The following EHHADH variants were observed in gnomAD, a reference collection of about 807,000 sequenced individuals.
EHHADH encodes enoyl-CoA hydratase and 3-hydroxyacyl CoA dehydrogenase, also known as peroxisomal bifunctional enzyme.
Under a neutral mutation model 64.4 loss-of-function variants are expected in EHHADH, and 48 were observed. The observed-to-expected ratio is 0.75, with a 90% CI of 0.59 to 0.95. The LOEUF (loss-of-function observed/expected upper bound fraction) is 0.95, where lower values mean the gene tolerates loss of function less well. Among genes scored for constraint, EHHADH ranks in the 40% least tolerant of loss-of-function variants. EHHADH has a pLI of 0.00. For synonymous variants in EHHADH, 308 were observed against 326.7 expected (o/e 0.94, Z 0.62); for missense variants, 854 against 876.6 (o/e 0.97, Z 0.33).
chr3:185,201,583 G>A (rs868821799), intron 6 of EHHADH, among the ~76,000 whole-genome samples: 1 of 152,076 alleles, frequency 6.6e-6, no homozygotes, highest in South Asian at 2.1e-4. Context: ...ACGAGGGAGC[G>A]GTGGAAGGTT....
In EHHADH at chr3:185,235,416, T is replaced by G. The variant is rs201646017; in HGVS notation, c.225A>C (p.Thr75=). The G allele has an allele frequency of 4.3e-6, 7 of 1,613,876 alleles. No homozygotes were observed. The East Asian group carries it at 1.6e-4, about 36-fold the overall frequency. The change falls in exon 3 of 7, where the codon ACA becomes ACC. Residue 75 remains threonine, a synonymous_variant. Coordinates refer to ENST00000231887, the MANE Select transcript of EHHADH (RefSeq NM_001966.4). The part of the protein sequence containing the change: ...GFSAPRTFGL[T]LGHVVDEIQR... Reference sequence around the variant, plus strand: ...GTATTTCATCTACTACATGTCCCAGTGTAAGGCCAAATGTCCTAGGAGCAC... The same window carrying G: ...GTATTTCATCTACTACATGTCCCAGGGTAAGGCCAAATGTCCTAGGAGCAC...
intron 3 of EHHADH, among the ~76,000 whole-genome samples, chr3:185,233,209 A>T (rs1297414197): frequency 6.6e-5 from 10 of 152,344 alleles, no homozygotes; most frequent in Admixed American, 2.0e-4. Context: ...CAATAATAGC[A>T]TAAAGGGGCA....
intron 4 of EHHADH, among the ~76,000 whole-genome samples, chr3:185,222,534 G>A (rs1227908612): frequency 6.6e-6 from 1 of 152,114 alleles, no homozygotes; most frequent in African/African-American, 2.4e-5. Context: ...GGAGAAGAGT[G>A]CAATTGTTTT....
At chr3:185,209,581 T>G (rs1472098896) in intron 5 of EHHADH, among the ~76,000 whole-genome samples, 1 of 152,184 alleles carries the variant, frequency 6.6e-6, no homozygotes, top group African/African-American at 2.4e-5. Context: ...CATATGAACA[T>G]AAGCGCATCT....
At chr3:185,228,284 A>ATATG (rs1472180526) in intron 4 of EHHADH, among the ~76,000 whole-genome samples, 1 of 128,822 alleles carries the variant, frequency 7.8e-6, no homozygotes, top group Admixed American at 8.3e-5. Flanking sequence ...ATATATGGAG[A>ATATG]GAGAGAGAGA....
intron 5 of EHHADH, among the ~76,000 whole-genome samples, chr3:185,214,575 C>T (rs1334257098): frequency 6.6e-6 from 1 of 152,068 alleles, no homozygotes; most frequent in Non-Finnish European, 1.5e-5. Flanking sequence ...AGATTACCTA[C>T]CACCCAAGTA....
Position 185,190,997 on chromosome 3 carries a change from A to G in EHHADH, c.*1229T>C, listed in dbSNP as rs1332587381. The G allele has an allele frequency of 1.3e-5, 2 of 152,230 alleles. No homozygotes were observed. Among genetic ancestry groups the G allele is most frequent in the Non-Finnish European group, 2.9e-5 (2 of 68,040 alleles). The allele number at this position is 152,230 out of a possible 1,614,324, so 9.4% of individuals were successfully genotyped here. On this transcript the variant is annotated 3_prime_UTR_variant, in exon 7 of 7. Transcript: ENST00000231887. ...ACTCAATGGTTTTTAATATATTGTT[A>G]TGTGACCATTACCACAATAAGTTTA... is the stretch of plus-strand genomic sequence containing the variant.
intron 5 of EHHADH, among the ~76,000 whole-genome samples, chr3:185,214,208 A>G (rs746534683): frequency 7.2e-5 from 11 of 152,014 alleles, no homozygotes; most frequent in Non-Finnish European, 1.6e-4. Context: ...TAATCATTAA[A>G]CCCCAAAACA....
chr3:185,225,005 G>A (rs1305677318), intron 4 of EHHADH, among the ~76,000 whole-genome samples: 3 of 152,130 alleles, frequency 2.0e-5, no homozygotes, highest in Non-Finnish European at 4.4e-5. Context: ...CATCTTTGGG[G>A]GCCAGATACC....
At chr3:185,221,084 C>T (rs1422209043) in intron 4 of EHHADH, among the ~76,000 whole-genome samples, 3 of 152,120 alleles carry the variant, frequency 2.0e-5, no homozygotes, top group Non-Finnish European at 4.4e-5. Flanking sequence ...AAGGCCAATC[C>T]TAGTTCATTT....
intron 3 of EHHADH, 38 bp from the exon 4 acceptor site, chr3:185,229,581 G>T: frequency 7.6e-7 from 1 of 1,322,912 alleles, no homozygotes; most frequent in Non-Finnish European, 1.0e-6. Flanking sequence ...ATTAGCATGA[G>T]ATGGTATGTT....
rs753592718 is a variant in EHHADH at position 185,245,841 on chromosome 3, C to T, written c.178+2573G>A. 6.2e-5 allele frequency: 55 copies of T among 886,870 alleles called. No individual in the cohort carries two copies. In the Middle Eastern group the frequency reaches 1.0e-3, roughly 17 times the overall value. 54.9% of individuals were successfully genotyped at this position (886,870 alleles called of 1,614,324 possible). ...CAGACGACCTGTGGAGGTTGCATAA[C>T]GAATTTCTTTTTCTCCCCAGCAACC... On this transcript the variant is annotated intron_variant, in intron 2 of 6. Transcript: ENST00000231887.
intron 4 of EHHADH, among the ~76,000 whole-genome samples, chr3:185,223,821 G>A (rs761956366): frequency 6.6e-6 from 1 of 152,136 alleles, no homozygotes; most frequent in African/African-American, 2.4e-5. Context: ...TGAACAAAGG[G>A]GACAGCACCT....
At chr3:185,229,352 T>C in intron 4 of EHHADH, 80 bp downstream of exon 4, 1 of 808,536 alleles carries the variant, frequency 1.2e-6, no homozygotes, top group Admixed American at 3.9e-5. Context: ...AGGGAGTAGG[T>C]GGTCAAGCCA....
chr3:185,253,827 A>G, intron 1 of EHHADH, 122 bp downstream of exon 1: 1 of 1,429,398 alleles, frequency 7.0e-7, no homozygotes, highest in Non-Finnish European at 9.2e-7. Context: ...GGCATGTACC[A>G]GTTGCTCAAC....
chr3:185,235,058 T>C (rs1338433368), intron 3 of EHHADH, among the ~76,000 whole-genome samples: 1 of 152,138 alleles, frequency 6.6e-6, no homozygotes, highest in Admixed American at 6.5e-5. Flanking sequence ...AGCATGCCTG[T>C]AGTCCCAGCT....
At chr3:185,245,900 A>G (rs183210724) in intron 2 of EHHADH, 63 of 1,211,666 alleles carry the variant, frequency 5.2e-5, no homozygotes, top group Non-Finnish European at 7.3e-5. Flanking sequence ...GATGTTGAAC[A>G]CACAATTCAG....
At chr3:185,229,264 C>T (rs536912391) in intron 4 of EHHADH, among the ~76,000 whole-genome samples, 168 bp downstream of exon 4, 47 of 152,320 alleles carry the variant, frequency 3.1e-4, no homozygotes, top group African/African-American at 1.1e-3. Flanking sequence ...GTTTGAGAAG[C>T]TCAGAAAGGT....
In EHHADH at chr3:185,193,422, C is replaced by T; in HGVS notation, c.976G>A (p.Val326Ile). The T allele has an allele frequency of 6.2e-7, 1 of 1,614,164 alleles. No homozygotes were observed. Among genetic ancestry groups the T allele is most frequent in the Non-Finnish European group, 8.5e-7 (1 of 1,180,026 alleles). ...FARARIPVIAVDSDKNQLATA... is the reference protein window; with the variant it reads ...FARARIPVIAIDSDKNQLATA... ...GCTAGCTGGTTTTTGTCCGAGTCTA[C>T]AGCAATCACAGGAATCCTGGCCCTT... Residue 326 changes from valine to isoleucine, a missense_variant, in exon 7 of 7, where the codon GTA (valine) becomes ATA (isoleucine). Physicochemically the swap from Val to Ile is conservative, Grantham distance 29. Transcript: ENST00000231887.
Sources: gnomAD v4.1 joint callset for allele counts (sites outside exome capture counted in the v4.1 genomes callset) on GRCh38, gnomAD v4.1.1 for gene constraint, MANE v1.5 for transcripts, NCBI Gene and HGNC (gene_info 2026-07-23, HGNC 2026-07-21) for gene names.